Variants in CFAP251 observed in about 807,000 individuals in gnomAD.
The protein encoded by CFAP251 is cilia and flagella associated protein 251.
A neutral mutation model predicts 126.7 loss-of-function variants in CFAP251; 93 were observed. That is an observed-to-expected ratio of 0.73 (90% CI 0.62 to 0.87). The LOEUF (loss-of-function observed/expected upper bound fraction) is 0.87. CFAP251 is among the 40% of genes least tolerant of loss of function. CFAP251 has a pLI of 0.00. For missense variants in CFAP251, 1,287 were observed against 1,389.2 expected, an observed-to-expected ratio of 0.93 and a Z score of 1.17; for synonymous variants, 503 against 506.9, an observed-to-expected ratio of 0.99 and a Z score of 0.10.
chr12:121,919,481 T>A lies in CFAP251; in HGVS notation c.-21+786T>A, dbSNP rs1196696628. On this transcript the variant is annotated intron_variant, in intron 1 of 21. Coordinates refer to ENST00000288912, the MANE Select transcript of CFAP251 (RefSeq NM_144668.6). ...AATAATAACAACTGCTACCATTTTTTCAAGCTGTATGTGCCAGAATTGTGA... is the reference window on the plus strand; with the variant it reads ...AATAATAACAACTGCTACCATTTTTACAAGCTGTATGTGCCAGAATTGTGA... 2.6e-5 allele frequency among the ~76,000 whole-genome samples: 4 copies of A among 152,232 alleles called. 1 individual carries two copies. Among genetic ancestry groups the A allele is most frequent in the Admixed American group, 2.6e-4 (4 of 15,274 alleles).
chr12:121,940,469 C>T (rs1370893020), intron 5 of CFAP251, among the ~76,000 whole-genome samples: 5 of 152,102 alleles, frequency 3.3e-5, no homozygotes, highest in Non-Finnish European at 5.9e-5. Flanking sequence ...CCAGTTGGGA[C>T]CCTAGCGTGA....
chr12:121,992,603 T>G, intron 19 of CFAP251: 1 of 717,020 alleles, frequency 1.4e-6, no homozygotes, highest in Non-Finnish European at 1.7e-6. Flanking sequence ...AGGGTCTTAC[T>G]CCTCACTCCT....
intron 19 of CFAP251, among the ~76,000 whole-genome samples, chr12:121,983,444 C>G (rs140913253): frequency 6.7e-6 from 1 of 149,992 alleles, no homozygotes; most frequent in Non-Finnish European, 1.5e-5. Flanking sequence ...TAAAGATGTA[C>G]TCATTTGTTC....
chr12:121,929,681 CTT>C (rs547554376), intron 3 of CFAP251, among the ~76,000 whole-genome samples: 22 of 143,842 alleles, frequency 1.5e-4, no homozygotes, highest in Admixed American at 1.4e-4. Flanking sequence ...AACCACTGAT[CTT>C]TTTTTTTTTT....
chr12:121,931,983 T>C, intron 4 of CFAP251, 97 bp downstream of exon 4: 2 of 1,227,634 alleles, frequency 1.6e-6, no homozygotes, highest in Non-Finnish European at 2.1e-6. Flanking sequence ...ATTCTATCAC[T>C]GTCGTATTTT....
At chr12:121,931,923 G>A in intron 4 of CFAP251, 37 bp downstream of exon 4, 1 of 1,461,248 alleles carries the variant, frequency 6.8e-7, no homozygotes, top group Non-Finnish European at 9.1e-7. Context: ...TGGGGGAGTT[G>A]TCTTTAACGT....
At chr12:121,977,818 G>C (rs2309276) in intron 19 of CFAP251, among the ~76,000 whole-genome samples, 4 of 150,866 alleles carry the variant, frequency 2.7e-5, no homozygotes, top group Non-Finnish European at 5.9e-5. Flanking sequence ...AATTAGCCGG[G>C]CGTGGTGGTG....
At chr12:121,953,867 A>C in intron 9 of CFAP251, 1 of 448,948 alleles carries the variant, frequency 2.2e-6, no homozygotes, top group South Asian at 2.9e-5. Context: ...GTGATTAACC[A>C]CTCTCTCGTT....
chr12:121,959,116 C>T (rs1881837419), intron 13 of CFAP251, 22 bp downstream of exon 13: 1 of 1,566,618 alleles, frequency 6.4e-7, no homozygotes, highest in Non-Finnish European at 8.6e-7. Flanking sequence ...CATGGACAAC[C>T]CATCCAGTGG....
chr12:121,968,396 T>C (rs1045030366), intron 17 of CFAP251, among the ~76,000 whole-genome samples: 3 of 152,168 alleles, frequency 2.0e-5, no homozygotes, highest in African/African-American at 4.8e-5. Context: ...TGACAGCACC[T>C]TGGGCTCACC....
rs776745573 is a variant in CFAP251 at position 121,924,012 on chromosome 12, C to G, written c.747+22C>G. The G allele has an allele frequency of 1.0e-5, 15 of 1,459,356 alleles. No individual in the cohort carries two copies. The South Asian group carries it at 1.9e-4, about 18-fold the overall frequency. The allele number at this position is 1,459,356 out of a possible 1,614,324, so 90.4% of individuals were successfully genotyped here. On this transcript the variant is annotated intron_variant, in intron 3 of 21. Coordinates refer to ENST00000288912, the MANE Select transcript of CFAP251 (RefSeq NM_144668.6). ...CTTGGTAAGTGTAATGCTTTTAAATCTCCCCCAGTGCTTTTGAGAGTGTTG... is the reference window on the plus strand; with the variant it reads ...CTTGGTAAGTGTAATGCTTTTAAATGTCCCCCAGTGCTTTTGAGAGTGTTG...
intron 5 of CFAP251, among the ~76,000 whole-genome samples, chr12:121,938,391 A>G (rs1880974034): frequency 6.6e-6 from 1 of 151,846 alleles, no homozygotes; most frequent in Admixed American, 6.6e-5. Flanking sequence ...GCACAATCTC[A>G]GCTCACTGCA....
At chr12:121,998,475 ATATATATATATAT>A (rs1280977629) in intron 19 of CFAP251, 3 of 78,876 alleles carry the variant, frequency 3.8e-5, no homozygotes, top group Admixed American at 1.5e-4. Flanking sequence ...ATATATATAT[ATATATATATATAT>A]GATTGTGTTA....
intron 5 of CFAP251, among the ~76,000 whole-genome samples, chr12:121,936,239 T>C (rs1233514154): frequency 6.6e-6 from 1 of 152,134 alleles, no homozygotes; most frequent in African/African-American, 2.4e-5. Context: ...GGCAGGAGGA[T>C]CACTTGAGGC....
At chr12:121,984,787 A>C (rs1394154682) in intron 19 of CFAP251, among the ~76,000 whole-genome samples, 1 of 152,194 alleles carries the variant, frequency 6.6e-6, no homozygotes, top group Non-Finnish European at 1.5e-5. Flanking sequence ...GGCCCAGCAT[A>C]TCATTCGTTT....
chr12:121,926,591 G>T (rs1052594795), intron 3 of CFAP251, among the ~76,000 whole-genome samples: 5 of 152,152 alleles, frequency 3.3e-5, no homozygotes, highest in African/African-American at 1.2e-4. Context: ...GCCTCCCAAA[G>T]TGTTGAGATT....
intron 19 of CFAP251, among the ~76,000 whole-genome samples, chr12:121,990,127 C>G (rs1882843434): frequency 1.3e-5 from 2 of 152,182 alleles, no homozygotes; most frequent in Non-Finnish European, 2.9e-5. Context: ...TAAATATTCC[C>G]CCTTGACAGT....
At chr12:121,980,267 C>T (rs1882587562) in intron 19 of CFAP251, among the ~76,000 whole-genome samples, 1 of 152,206 alleles carries the variant, frequency 6.6e-6, no homozygotes, top group Non-Finnish European at 1.5e-5. Context: ...GGGCAGGTGT[C>T]TCAGCCTCTT....
chr12:121,949,487 T>G (rs1881444786), intron 8 of CFAP251: 1 of 151,840 alleles, frequency 6.6e-6, no homozygotes, highest in Non-Finnish European at 1.5e-5. Flanking sequence ...GCAGGTTTTT[T>G]TTTTTTTTTT....
Sources: allele counts gnomAD v4.1 joint callset (sites outside exome capture counted in the v4.1 genomes callset), GRCh38; gene constraint gnomAD v4.1.1; transcripts MANE v1.5; gene names NCBI Gene and HGNC (gene_info 2026-07-23, HGNC 2026-07-21).